The following POLR3A variants were observed in gnomAD, a reference collection of about 807,000 sequenced individuals.
POLR3A encodes RNA polymerase III subunit A.
Under a neutral mutation model 152.8 loss-of-function variants are expected in POLR3A, and 112 were observed. The ratio of observed to expected loss-of-function variants is 0.73; its 90% CI spans 0.63 to 0.86. The LOEUF (loss-of-function observed/expected upper bound fraction) is 0.86, where lower values mean the gene tolerates loss of function less well. Ranked by LOEUF, POLR3A falls within the 40% of genes least tolerant of loss-of-function variation. The probability of loss-of-function intolerance (pLI) is 0.00; values close to 1 mark genes in which losing one functional copy is unlikely to be tolerated. For missense variants in POLR3A, 1,385 were observed against 1,743.1 expected, an observed-to-expected ratio of 0.79 and a Z score of 3.66; for synonymous variants, 615 against 652.1, an observed-to-expected ratio of 0.94 and a Z score of 0.87.
intron 25 of POLR3A, 24 bp from the exon 26 acceptor site, chr10:77,984,036 G>A (rs1432613232): frequency 3.9e-6 from 6 of 1,519,486 alleles, no homozygotes; most frequent in Non-Finnish European, 5.5e-6. Flanking sequence ...AGATCAGACT[G>A]TTAATCAGCC....
intron 30 of POLR3A, 130 bp downstream of exon 30, chr10:77,980,011 C>T: frequency 1.2e-6 from 1 of 847,616 alleles, no homozygotes; most frequent in Admixed American, 1.7e-5. Context: ...CAATTCGTGT[C>T]TATTGACATT....
At chr10:77,986,966 A>G (rs1035864761) in intron 21 of POLR3A, among the ~76,000 whole-genome samples, 1 of 152,138 alleles carries the variant, frequency 6.6e-6, no homozygotes, top group African/African-American at 2.4e-5. Flanking sequence ...CAACCACTCA[A>G]ATGGGTAAAA....
chr10:78,019,345 T>G, intron 8 of POLR3A, 80 bp from the exon 9 acceptor site: 1 of 986,552 alleles, frequency 1.0e-6, no homozygotes, highest in Non-Finnish European at 1.6e-6. Flanking sequence ...GTCTTAATCT[T>G]TACTTTCCTT....
intron 11 of POLR3A, among the ~76,000 whole-genome samples, chr10:78,012,363 T>TCAAA (rs917543606): frequency 4.2e-4 from 60 of 142,244 alleles, no homozygotes; most frequent in Admixed American, 3.4e-3. Context: ...AAACTCCGTC[T>TCAAA]CAAACAAACA....
At chr10:77,989,234 G>A (rs527848919) in intron 21 of POLR3A, among the ~76,000 whole-genome samples, 38 of 152,308 alleles carry the variant, frequency 2.5e-4, no homozygotes, top group Admixed American at 1.9e-3. Context: ...TTCATCACAC[G>A]ATTAACCAGA....
At chr10:77,980,306 T>G (rs770781087) in intron 29 of POLR3A, 33 bp from the exon 30 acceptor site, 17 of 1,611,448 alleles carry the variant, frequency 1.1e-5, no homozygotes, top group Admixed American at 1.7e-5. Context: ...ACGGTGGTAC[T>G]CACACCAATG....
At chr10:78,017,767 A>G (rs1053239272) in intron 9 of POLR3A, 51 bp from the exon 10 acceptor site, 1 of 1,589,094 alleles carries the variant, frequency 6.3e-7, no homozygotes, top group East Asian at 2.2e-5. Context: ...TCTCTCACCA[A>G]GTTTCTCCCT....
At chr10:78,023,044 G>A (rs975103859) in intron 5 of POLR3A, among the ~76,000 whole-genome samples, 6 of 152,056 alleles carry the variant, frequency 3.9e-5, no homozygotes, top group African/African-American at 1.4e-4. Flanking sequence ...TGTAATCCCA[G>A]ATACTTGGGA....
In POLR3A at chr10:77,997,511, A is replaced by C. The variant is rs529251307; in HGVS notation, c.2616+2470T>G. Among the ~76,000 whole-genome samples, 51 of 152,316 alleles carry C rather than the reference A, an allele frequency of 3.3e-4. 1 individual carries two copies. The South Asian group carries it at 7.9e-3, about 24-fold the overall frequency. On this transcript the variant is annotated intron_variant, in intron 19 of 30. Coordinates refer to ENST00000372371, the MANE Select transcript of POLR3A (RefSeq NM_007055.4). ...AAAATCACAAGCATTCTTATACACC[A>C]ATAACAGACAGAGAGCCAAATCATG...
chr10:78,009,635 A>G lies in POLR3A; in HGVS notation c.1811T>C (p.Ile604Thr), dbSNP rs1409654586. ...LWTGKQIFSV[I>T]LRPSDDNPVR... ...TGGATTGTCATCGCTAGGCCTGAGG[A>G]TGACACTGAAGATCTGCTTTCCCGT... Residue 604 changes from isoleucine (I) to threonine (T), a missense_variant, in exon 14 of 31, where the codon ATC (isoleucine) becomes ACC (threonine). Physicochemically the swap from Ile to Thr is moderately conservative, Grantham distance 89. Coordinates refer to ENST00000372371, the MANE Select transcript of POLR3A (RefSeq NM_007055.4). 1.2e-6 allele frequency: 2 copies of G among 1,614,032 alleles called. No homozygotes were observed. Among genetic ancestry groups the G allele is most frequent in the Non-Finnish European group, 1.7e-6 (2 of 1,180,038 alleles).
At chr10:78,005,239 A>T (rs1589311707) in intron 15 of POLR3A, among the ~76,000 whole-genome samples, 1 of 152,188 alleles carries the variant, frequency 6.6e-6, no homozygotes, top group East Asian at 1.9e-4. Flanking sequence ...GCTCACGCCT[A>T]TAATCCCAGC....
In POLR3A at chr10:77,982,277, G is replaced by T. The variant is rs751654135; in HGVS notation, c.3636C>A (p.Ile1212=). ...CCTTTCCACTCTGCTCGTCAATGTG[G>T]ATGACAGCTCTGGACACCTCTGGAA... ...QGIPEVSRAV[I]HIDEQSGKEK... Residue 1212 remains isoleucine, a synonymous_variant, in exon 28 of 31, where the codon ATC becomes ATA. Transcript: ENST00000372371. 3 of 1,613,854 alleles carry T rather than the reference G, an allele frequency of 1.9e-6. No individual in the cohort carries two copies. The highest frequency in any genetic ancestry group is 2.5e-6 in the Non-Finnish European group (3 of 1,179,954).
chr10:78,026,165 C>G lies in POLR3A; in HGVS notation c.109G>C (p.Val37Leu), dbSNP rs1285455248. Residue 37 changes from valine to leucine, a missense_variant, in exon 2 of 31, where the codon GTG becomes CTG. Around this residue, in one of 7 missense-constraint regions of POLR3A, gnomAD observed 493 missense variants for 647.5 expected, o/e 0.76. Coordinates refer to ENST00000372371, the MANE Select transcript of POLR3A (RefSeq NM_007055.4). ...TCCTGGCTGTACAGGTTCTTACTCA[C>G]AACTTGGATGTGCGCCTGCTGGCGC... is the stretch of plus-strand genomic sequence containing the variant. Reference protein sequence around the residue: ...EMRQQAHIQVVSKNLYSQDNQ... With the variant: ...EMRQQAHIQVLSKNLYSQDNQ... 2 of 1,614,106 alleles carry G rather than the reference C, an allele frequency of 1.2e-6. No homozygotes were observed. The highest frequency in any genetic ancestry group is 1.7e-6 in the Non-Finnish European group (2 of 1,180,048).
intron 11 of POLR3A, among the ~76,000 whole-genome samples, chr10:78,010,912 T>C (rs975462509): frequency 1.3e-5 from 2 of 152,236 alleles, no homozygotes; most frequent in Admixed American, 6.5e-5. Flanking sequence ...GGTGCAAATA[T>C]GGCTCACTGC....
Position 78,029,482 on chromosome 10 carries a change from G to C in POLR3A, c.-75C>G, listed in dbSNP as rs943883789. 2 of 1,510,756 alleles carry C rather than the reference G, an allele frequency of 1.3e-6. No individual in the cohort carries two copies. Among genetic ancestry groups the C allele is most frequent in the African/African-American group, 1.4e-5 (1 of 72,876 alleles). The allele number at this position is 1,510,756 out of a possible 1,614,324, so 93.6% of individuals were successfully genotyped here. A position where few individuals can be genotyped will look rare whatever the true frequency, so the allele number is the denominator to read the frequency against. ...GAAACGATGCCCCCAGCACCTCCTG[G>C]GGCTGCTTCTGGACTCGCCGCTAAC... On this transcript the variant is annotated 5_prime_UTR_variant, in exon 1 of 31. Coordinates refer to ENST00000372371, the MANE Select transcript of POLR3A (RefSeq NM_007055.4).
At chr10:78,026,713 C>G (rs541972993) in intron 1 of POLR3A, among the ~76,000 whole-genome samples, 1 of 152,222 alleles carries the variant, frequency 6.6e-6, no homozygotes, top group Non-Finnish European at 1.5e-5. Context: ...CTTATCTTCT[C>G]ATCCTACACA....
intron 16 of POLR3A, among the ~76,000 whole-genome samples, chr10:78,004,269 A>C (rs1018795596): frequency 6.6e-6 from 1 of 152,010 alleles, no homozygotes; most frequent in Non-Finnish European, 1.5e-5. Flanking sequence ...AAACAAAAAC[A>C]AAAAAAACCA....
Position 77,982,720 on chromosome 10 carries a change from G to A in POLR3A, c.3527C>T (p.Thr1176Ile), listed in dbSNP as rs756584271. 10 of 1,613,714 alleles carry A rather than the reference G, an allele frequency of 6.2e-6. No individual in the cohort carries two copies. The highest frequency in any genetic ancestry group is 6.8e-6 in the Non-Finnish European group (8 of 1,179,846). ...GGAGCTCTTGCTGTTCTCTCTGGGGGTGACACACACCACAGCCTCACCATG... is the reference window on the plus strand; with the variant it reads ...GGAGCTCTTGCTGTTCTCTCTGGGGATGACACACACCACAGCCTCACCATG... ...AVHGEAVVCVTPRENSKSSMY... is the reference protein window; with the variant it reads ...AVHGEAVVCVIPRENSKSSMY... Residue 1176 changes from threonine (T) to isoleucine (I), a missense_variant, in exon 27 of 31, where the codon ACC becomes ATC. Physicochemically the swap from Thr to Ile is moderately conservative, Grantham distance 89. Transcript: ENST00000372371.
intron 26 of POLR3A, among the ~76,000 whole-genome samples, chr10:77,983,180 A>G (rs1019978946): frequency 1.3e-5 from 2 of 152,114 alleles, no homozygotes; most frequent in African/African-American, 2.4e-5. Context: ...CACTTTCACA[A>G]TGGTTCATGT....
Sources: gnomAD v4.1 joint callset for allele counts (sites outside exome capture counted in the v4.1 genomes callset) on GRCh38, gnomAD v4.1.1 for gene constraint, gnomAD v4.1.1 regional missense constraint, MANE v1.5 for transcripts, NCBI Gene and HGNC (gene_info 2026-07-23, HGNC 2026-07-21) for gene names.